The following MAP2 variants were observed in gnomAD, a reference collection of about 807,000 sequenced individuals.
MAP2 encodes microtubule associated protein 2.
In MAP2, 14 loss-of-function variants were observed where a neutral mutation model predicts 137.6. That is an observed-to-expected ratio of 0.10 (90% confidence interval 0.07 to 0.16). The LOEUF (loss-of-function observed/expected upper bound fraction) is 0.16, where lower values mean the gene tolerates loss of function less well. Ranked by LOEUF, MAP2 falls within the 10% of genes least tolerant of loss-of-function variation. The probability of loss-of-function intolerance (pLI) is 1.00; values close to 1 mark genes in which losing one functional copy is unlikely to be tolerated. For missense variants in MAP2, 2,088 were observed against 2,191.5 expected (o/e 0.95, Z 0.94); for synonymous variants, 786 against 782.3 (o/e 1.00, Z -0.08).
chr2:209,708,862 TC>T (rs1325588525), intron 12 of MAP2, among the ~76,000 whole-genome samples: 1 of 152,170 alleles, frequency 6.6e-6, no homozygotes, highest in Admixed American at 6.5e-5. Flanking sequence ...GCCTCAATGT[TC>T]TCATTTCTTA....
intron 1 of MAP2, among the ~76,000 whole-genome samples, chr2:209,497,723 G>C (rs1347523135): frequency 6.6e-6 from 1 of 152,172 alleles, no homozygotes; most frequent in African/African-American, 2.4e-5. Context: ...AAGAGAGAAA[G>C]AGAGAGTAGA....
intron 3 of MAP2, among the ~76,000 whole-genome samples, chr2:209,604,814 C>T (rs950385158): frequency 4.6e-5 from 7 of 152,166 alleles, no homozygotes; most frequent in African/African-American, 1.4e-4. Context: ...GTTGAATAAG[C>T]GGACAGGAAA....
chr2:209,674,398 T>C (rs2050283190), intron 5 of MAP2, among the ~76,000 whole-genome samples: 1 of 151,834 alleles, frequency 6.6e-6, no homozygotes, highest in African/African-American at 2.4e-5. Flanking sequence ...AATTATGTAA[T>C]TGAGTCCCCA....
At chr2:209,530,321 T>C (rs1048555584) in intron 2 of MAP2, among the ~76,000 whole-genome samples, 2 of 152,196 alleles carry the variant, frequency 1.3e-5, no homozygotes, top group Admixed American at 6.6e-5. Flanking sequence ...ATAGATGATA[T>C]GTAGTCATTA....
At chr2:209,552,287 A>G (rs2069357651) in intron 2 of MAP2, among the ~76,000 whole-genome samples, 1 of 152,182 alleles carries the variant, frequency 6.6e-6, no homozygotes, top group Non-Finnish European at 1.5e-5. Flanking sequence ...ATGAACAAAA[A>G]TGTCTCACAG....
intron 1 of MAP2, among the ~76,000 whole-genome samples, chr2:209,463,195 T>C (rs889526558): frequency 1.3e-5 from 2 of 152,208 alleles, no homozygotes; most frequent in African/African-American, 4.8e-5. Flanking sequence ...CTGAGTCTTA[T>C]AGTGTCATTC....
intron 7 of MAP2, among the ~76,000 whole-genome samples, chr2:209,684,908 TG>T (rs1236456820): frequency 6.6e-6 from 1 of 152,162 alleles, no homozygotes; most frequent in Non-Finnish European, 1.5e-5. Context: ...ACTCCAACTT[TG>T]ATGTGCTAAA....
chr2:209,495,021 T>G (rs1380550142), intron 1 of MAP2, among the ~76,000 whole-genome samples: 1 of 152,246 alleles, frequency 6.6e-6, no homozygotes, highest in Non-Finnish European at 1.5e-5. Flanking sequence ...ATCTGTGATT[T>G]TTGTTATTTC....
intron 3 of MAP2, among the ~76,000 whole-genome samples, chr2:209,585,030 T>A (rs1015708536): frequency 1.3e-4 from 20 of 151,896 alleles, no homozygotes; most frequent in Non-Finnish European, 1.5e-5. Flanking sequence ...AGAACACGAA[T>A]AAAAAATGAA....
intron 4 of MAP2, among the ~76,000 whole-genome samples, chr2:209,650,810 A>C (rs1445206333): frequency 6.6e-6 from 1 of 152,208 alleles, no homozygotes; most frequent in Admixed American, 6.5e-5. Context: ...ACTTTCAAAA[A>C]TGTAAAGCCT....
chr2:209,695,846 G>A lies in MAP2; in HGVS notation c.3676G>A (p.Val1226Ile), dbSNP rs374394903. 26 of 1,613,906 alleles carry A rather than the reference G, an allele frequency of 1.6e-5. No individual in the cohort carries two copies. The highest frequency in any genetic ancestry group is 6.6e-5 in the South Asian group (6 of 91,078). The change falls in exon 8 of 16, where the codon GTA becomes ATA. Residue 1226 changes from valine (V) to isoleucine (I), a missense_variant. Coordinates refer to ENST00000682079, the MANE Select transcript of MAP2 (RefSeq NM_001375505.1). ...DVAEPLHETIVSEPAEIQSEE... is the reference protein window; with the variant it reads ...DVAEPLHETIISEPAEIQSEE... ...TGCAGAGCCATTGCATGAAACGATC[G>A]TATCTGAACCAGCAGAGATTCAGAG...
chr2:209,458,204 C>T (rs773158963), intron 1 of MAP2, among the ~76,000 whole-genome samples: 3 of 152,050 alleles, frequency 2.0e-5, no homozygotes, highest in Non-Finnish European at 2.9e-5. Context: ...GAGAAACCAC[C>T]TGTTAGTAAA....
intron 1 of MAP2, among the ~76,000 whole-genome samples, chr2:209,477,042 G>T (rs1350071144): frequency 6.6e-6 from 1 of 152,148 alleles, no homozygotes; most frequent in Non-Finnish European, 1.5e-5. Context: ...GAGAGGGCAG[G>T]CTGCCAGCAG....
In MAP2 at chr2:209,676,759, ATATATATATATATC is replaced by A. The variant is rs1280611997; in HGVS notation, c.263-1811_263-1798del. On this transcript the variant is annotated intron_variant, in intron 5 of 15. Transcript: ENST00000682079. Reference sequence around the variant, plus strand: ...TATATATATATATATATATATATATATATATATATATATCTCCCAATTTCTGCCATGATTGTTCC... The same window carrying A: ...TATATATATATATATATATATATATATCCCAATTTCTGCCATGATTGTTCC... Among the ~76,000 whole-genome samples, 6 of 94,640 alleles carry A rather than the reference ATATATATATATATC, an allele frequency of 6.3e-5. No individual in the cohort carries two copies. In the South Asian group the frequency reaches 1.4e-3, roughly 22 times the overall value. The allele number at this position is 94,640 out of a possible 152,430, so 62.1% of individuals were successfully genotyped here.
At chr2:209,532,030 A>G (rs917813829) in intron 2 of MAP2, among the ~76,000 whole-genome samples, 1 of 152,072 alleles carries the variant, frequency 6.6e-6, no homozygotes, top group African/African-American at 2.4e-5. Flanking sequence ...CGTGAGTCCA[A>G]GATTTTGAGA....
intron 1 of MAP2, among the ~76,000 whole-genome samples, chr2:209,454,995 G>T (rs1420434220): frequency 6.6e-6 from 1 of 152,168 alleles, no homozygotes; most frequent in Admixed American, 6.5e-5. Context: ...CCATCTTCTT[G>T]CTGTGTCCCC....
intron 5 of MAP2, among the ~76,000 whole-genome samples, chr2:209,667,553 A>C (rs565520996): frequency 6.6e-6 from 1 of 151,994 alleles, no homozygotes; most frequent in African/African-American, 2.4e-5. Context: ...TTTCATTTTG[A>C]AAAACAAAGG....
chr2:209,707,867 A>G (rs757500845), intron 12 of MAP2, among the ~76,000 whole-genome samples: 2 of 152,170 alleles, frequency 1.3e-5, no homozygotes, highest in Non-Finnish European at 2.9e-5. Context: ...AGAAGTTTAG[A>G]AAAAATTATT....
chr2:209,646,884 A>T (rs972204558), intron 4 of MAP2, among the ~76,000 whole-genome samples: 1 of 152,094 alleles, frequency 6.6e-6, no homozygotes, highest in Non-Finnish European at 1.5e-5. Context: ...AAATTAATAG[A>T]ACATTTGGTT....
Sources: gnomAD v4.1 joint callset for allele counts (sites outside exome capture counted in the v4.1 genomes callset) on GRCh38, gnomAD v4.1.1 for gene constraint, MANE v1.5 for transcripts, NCBI Gene and HGNC (gene_info 2026-07-23, HGNC 2026-07-21) for gene names.